Variants in MRAP observed in about 807,000 individuals in gnomAD.
MRAP encodes melanocortin-2 receptor accessory protein.
A neutral mutation model predicts 8.7 loss-of-function variants in MRAP; 8 were observed. The ratio of observed to expected loss-of-function variants is 0.92; its 90% CI spans 0.54 to 1.66. The LOEUF is 1.66. MRAP is among the 40% of genes most tolerant of loss of function. The pLI, the probability that MRAP is intolerant of heterozygous loss-of-function variation, is 0.00. For missense variants in MRAP, 237 were observed against 217.1 expected (o/e 1.09, Z -0.58); for synonymous variants, 95 against 95.5 (o/e 1.00, Z 0.03).
upstream of MRAP, among the ~76,000 whole-genome samples, chr21:32,294,536 T>G (rs1412141983): frequency 6.6e-6 from 1 of 152,194 alleles, no homozygotes; most frequent in Non-Finnish European, 1.5e-5. Context: ...CTATGGCCAG[T>G]TTTTTAATTG....
intron 1 of MRAP, among the ~76,000 whole-genome samples, chr21:32,306,270 C>G (rs2032413408): frequency 6.6e-6 from 1 of 152,084 alleles, no homozygotes; most frequent in Admixed American, 6.5e-5. Flanking sequence ...TCCTAACACA[C>G]AGAGCTGCCC....
downstream of MRAP, chr21:32,314,535 C>A (rs1200920859): frequency 1.2e-6 from 2 of 1,606,706 alleles, no homozygotes; most frequent in Middle Eastern, 1.7e-4. Flanking sequence ...AAATCTGATA[C>A]CTTTTGACAT....
chr21:32,297,633 C>G (rs2032163688), upstream of MRAP, among the ~76,000 whole-genome samples: 2 of 152,156 alleles, frequency 1.3e-5, no homozygotes, highest in South Asian at 4.1e-4. Context: ...GCCATTCTAG[C>G]AAATGACATA....
upstream of MRAP, among the ~76,000 whole-genome samples, chr21:32,294,139 G>A (rs188590277): frequency 4.4e-4 from 67 of 152,262 alleles, 2 homozygotes; most frequent in East Asian, 0.012. Flanking sequence ...TTTTGAGACA[G>A]AGTCTTACTC....
At chr21:32,310,320 C>T (rs956575172) in intron 2 of MRAP, among the ~76,000 whole-genome samples, 1 of 150,334 alleles carries the variant, frequency 6.7e-6, no homozygotes, top group Non-Finnish European at 1.5e-5. Flanking sequence ...CCCTGAGGAG[C>T]TGACACCTTC....
chr21:32,295,930 C>T (rs558767652), upstream of MRAP, among the ~76,000 whole-genome samples: 1 of 152,260 alleles, frequency 6.6e-6, no homozygotes, highest in East Asian at 1.9e-4. Context: ...AAGCCAAGAT[C>T]ACGCCACTGC....
downstream of MRAP, chr21:32,313,652 G>T (rs2032629778): frequency 6.6e-6 from 1 of 152,196 alleles, no homozygotes; most frequent in African/African-American, 2.4e-5. Flanking sequence ...GTGGAAAATA[G>T]AAGTGTAAAT....
At chr21:32,298,202 C>G (rs1268660146), upstream of MRAP, among the ~76,000 whole-genome samples, 2 of 152,156 alleles carry the variant, frequency 1.3e-5, no homozygotes, top group African/African-American at 4.8e-5. Flanking sequence ...GAATCTGCGT[C>G]ACGTGTGGTA....
intron 1 of MRAP, among the ~76,000 whole-genome samples, chr21:32,306,148 G>A (rs1177301286): frequency 2.0e-5 from 3 of 152,164 alleles, no homozygotes; most frequent in Non-Finnish European, 2.9e-5. Flanking sequence ...CCACCGGAGC[G>A]CTGTAGCCCA....
intron 1 of MRAP, among the ~76,000 whole-genome samples, chr21:32,304,389 G>A (rs202051261): frequency 6.6e-6 from 1 of 152,142 alleles, no homozygotes; most frequent in Non-Finnish European, 1.5e-5. Context: ...GGCCGAGGCA[G>A]GTGGATCATG....
intron 1 of MRAP, among the ~76,000 whole-genome samples, chr21:32,304,530 A>G (rs9981881): frequency 0.19 from 28,364 of 151,910 alleles, 4,048 homozygotes; most frequent in African/African-American, 0.4. Context: ...CGGGAGAACG[A>G]CTTGAACCCG....
chr21:32,297,307 G>C (rs2123492974), upstream of MRAP, among the ~76,000 whole-genome samples: 1 of 152,336 alleles, frequency 6.6e-6, no homozygotes, highest in East Asian at 1.9e-4. Flanking sequence ...AGAGGCTGGG[G>C]ATTGAGTTCA....
At chr21:32,300,855 A>AG (rs1491402583) in intron 1 of MRAP, among the ~76,000 whole-genome samples, 3 of 149,326 alleles carry the variant, frequency 2.0e-5, no homozygotes, top group African/African-American at 7.4e-5. Context: ...GCCCTATGTC[A>AG]GGGGCGTCAT....
intron 2 of MRAP, 168 bp from the exon 3 acceptor site, chr21:32,311,516 G>C (rs2032570679): frequency 2.2e-6 from 2 of 923,774 alleles, no homozygotes; most frequent in Middle Eastern, 2.9e-4. Context: ...GATTTCTCTA[G>C]AATGGCCACC....
chr21:32,300,565 TTTCA>T (rs2032242387), intron 1 of MRAP, among the ~76,000 whole-genome samples: 2 of 149,346 alleles, frequency 1.3e-5, no homozygotes, highest in South Asian at 2.1e-4. Context: ...ATGTCAGATG[TTTCA>T]CACGTCATGT....
chr21:32,299,091 A>G lies in MRAP; in HGVS notation c.106+14A>G. 6.2e-7 allele frequency: 1 copy of G among 1,606,430 alleles called. No homozygotes were observed. The highest frequency in any genetic ancestry group is 1.1e-5 in the South Asian group (1 of 90,854). On this transcript the variant is annotated intron_variant, in intron 1 of 2. Transcript: ENST00000303645. Reference sequence around the variant, plus strand: ...AAGCCCACAAACGTAAGTCTGAACTAGGGAAGCCGGTCAGACAGAGGCTGG... The same window carrying G: ...AAGCCCACAAACGTAAGTCTGAACTGGGGAAGCCGGTCAGACAGAGGCTGG...
chr21:32,304,631 C>CA lies in MRAP; in HGVS notation c.107-2003dup, dbSNP rs1428008119. Among the ~76,000 whole-genome samples the CA allele has an allele frequency of 4.8e-5, 6 of 125,960 alleles. No individual in the cohort carries two copies. In the East Asian group the frequency reaches 8.7e-4, roughly 18 times the overall value. 82.6% of individuals were successfully genotyped at this position (125,960 alleles called of 152,430 possible). A position where few individuals can be genotyped will look rare whatever the true frequency, so the allele number is the denominator to read the frequency against. On this transcript the variant is annotated intron_variant, in intron 1 of 2. Transcript: ENST00000303645. Reference sequence around the variant, plus strand: ...TCTGTCTCAAACAAAAAAAAACAAACAAAAAACAAAACAAAACAAACAAAC... The same window carrying CA: ...TCTGTCTCAAACAAAAAAAAACAAACAAAAAAACAAAACAAAACAAACAAAC...
intron 1 of MRAP, among the ~76,000 whole-genome samples, chr21:32,301,119 T>A (rs1292593104): frequency 6.7e-6 from 1 of 150,284 alleles, no homozygotes; most frequent in Non-Finnish European, 1.5e-5. Flanking sequence ...ATATGATATA[T>A]GATGGCTAAT....
chr21:32,297,261 G>A (rs1349153256), upstream of MRAP, among the ~76,000 whole-genome samples: 1 of 152,204 alleles, frequency 6.6e-6, no homozygotes, highest in Non-Finnish European at 1.5e-5. Flanking sequence ...ATATATTAGA[G>A]GGTTGCAATG....
Sources: allele counts gnomAD v4.1 joint callset (sites outside exome capture counted in the v4.1 genomes callset), GRCh38; gene constraint gnomAD v4.1.1; transcripts MANE v1.5; gene names NCBI Gene and HGNC (gene_info 2026-07-23, HGNC 2026-07-21).